Variants in ARHGEF28 observed in about 807,000 individuals in gnomAD.
ARHGEF28 encodes 190 kDa guanine nucleotide exchange factor.
ARHGEF28 carries 152 observed loss-of-function variants against 206.6 expected under a neutral mutation model. The ratio of observed to expected loss-of-function variants is 0.74; its 90% CI spans 0.64 to 0.84. ARHGEF28 has a LOEUF of 0.84. Among genes scored for constraint, ARHGEF28 ranks in the 40% least tolerant of loss-of-function variants. ARHGEF28 has a pLI of 0.00. For missense variants in ARHGEF28, 2,028 were observed against 2,073.2 expected (o/e 0.98, Z 0.42); for synonymous variants, 763 against 776.4 (o/e 0.98, Z 0.29).
At chr5:73,674,453 G>T (rs1452618133) in intron 1 of ARHGEF28, among the ~76,000 whole-genome samples, 2 of 152,206 alleles carry the variant, frequency 1.3e-5, no homozygotes, top group Non-Finnish European at 2.9e-5. Flanking sequence ...CATATGTAAA[G>T]TGAGGACAGG....
At chr5:73,883,702 T>C (rs2112667939) in intron 23 of ARHGEF28, 65 bp from the exon 24 acceptor site, 3 of 1,025,792 alleles carry the variant, frequency 2.9e-6, no homozygotes, top group Non-Finnish European at 4.2e-6. Flanking sequence ...TTTGTATTGT[T>C]ACATTCACAC....
chr5:73,848,532 T>A (rs913673895), intron 12 of ARHGEF28, among the ~76,000 whole-genome samples: 4 of 152,180 alleles, frequency 2.6e-5, no homozygotes, highest in Admixed American at 2.6e-4. Flanking sequence ...AAATCTCTTA[T>A]AATTGTAAGT....
chr5:73,667,115 G>T (rs959603592), intron 1 of ARHGEF28, among the ~76,000 whole-genome samples: 3 of 152,202 alleles, frequency 2.0e-5, no homozygotes, highest in African/African-American at 7.2e-5. Flanking sequence ...TGAAAGAGCT[G>T]TAAAGCCTTG....
intron 2 of ARHGEF28, among the ~76,000 whole-genome samples, chr5:73,688,525 T>G (rs1402962671): frequency 6.6e-6 from 1 of 152,224 alleles, no homozygotes; most frequent in African/African-American, 2.4e-5. Context: ...TTTGCTTGGA[T>G]TGATAAAGAA....
At chr5:73,788,679 A>G (rs961349209) in intron 7 of ARHGEF28, among the ~76,000 whole-genome samples, 1 of 152,218 alleles carries the variant, frequency 6.6e-6, no homozygotes, top group Non-Finnish European at 1.5e-5. Flanking sequence ...CAGGAGGATT[A>G]GGAAAGGGTG....
chr5:73,835,424 T>C (rs111753549), intron 10 of ARHGEF28, among the ~76,000 whole-genome samples: 16,420 of 149,994 alleles, frequency 0.11, 1,236 homozygotes, highest in African/African-American at 0.21. Context: ...GAGCCGAGAT[T>C]GTGCCACTGC....
At chr5:73,858,297 T>C in intron 16 of ARHGEF28, 78 bp downstream of exon 16, 1 of 1,484,140 alleles carries the variant, frequency 6.7e-7, no homozygotes. Context: ...CATTGCTCAA[T>C]ACATTTACAT....
chr5:73,926,791 G>C (rs1019052095), intron 35 of ARHGEF28, among the ~76,000 whole-genome samples: 3 of 152,200 alleles, frequency 2.0e-5, no homozygotes, highest in African/African-American at 7.2e-5. Flanking sequence ...TAGCCACTTA[G>C]CAGGATATTC....
intron 22 of ARHGEF28, among the ~76,000 whole-genome samples, chr5:73,881,098 T>TA (rs1256991615): frequency 6.6e-6 from 1 of 152,100 alleles, no homozygotes; most frequent in African/African-American, 2.4e-5. Context: ...GAAAAGGCTA[T>TA]TTTTCCTCTA....
intron 2 of ARHGEF28, among the ~76,000 whole-genome samples, chr5:73,726,317 T>C (rs891339751): frequency 6.6e-6 from 1 of 152,212 alleles, no homozygotes; most frequent in Middle Eastern, 3.2e-3. Flanking sequence ...CAAACAAAAT[T>C]CAAGTTACAT....
intron 2 of ARHGEF28, among the ~76,000 whole-genome samples, chr5:73,734,612 A>G (rs1327042786): frequency 6.6e-6 from 1 of 152,104 alleles, no homozygotes; most frequent in Non-Finnish European, 1.5e-5. Flanking sequence ...TGCTTGTACC[A>G]CTTTATATCC....
intron 9 of ARHGEF28, among the ~76,000 whole-genome samples, chr5:73,801,396 G>A (rs556762025): frequency 1.1e-3 from 160 of 151,978 alleles, no homozygotes; most frequent in African/African-American, 3.4e-3. Flanking sequence ...GCAGTGAGCC[G>A]AGATCGCACC....
chr5:73,654,473 T>A (rs1190945665), intron 1 of ARHGEF28, among the ~76,000 whole-genome samples: 1 of 152,158 alleles, frequency 6.6e-6, no homozygotes, highest in East Asian at 1.9e-4. Context: ...AAGCTGAATC[T>A]TTAGTCGTGG....
intron 1 of ARHGEF28, among the ~76,000 whole-genome samples, chr5:73,651,543 A>T (rs991212534): frequency 2.6e-5 from 4 of 152,218 alleles, no homozygotes; most frequent in African/African-American, 9.7e-5. Context: ...TGAAGTGCTA[A>T]CATATAGGGC....
chr5:73,817,981 C>A (rs114004627), intron 9 of ARHGEF28, among the ~76,000 whole-genome samples: 1 of 152,108 alleles, frequency 6.6e-6, no homozygotes, highest in African/African-American at 2.4e-5. Flanking sequence ...TGATACCTTC[C>A]TCCTATACAC....
At chr5:73,883,045 A>G (rs1229967255) in intron 23 of ARHGEF28, among the ~76,000 whole-genome samples, 1 of 152,218 alleles carries the variant, frequency 6.6e-6, no homozygotes, top group African/African-American at 2.4e-5. Flanking sequence ...TTGATATCTT[A>G]AAATTTCACT....
At position 73,909,413 on chromosome 5, in the gene ARHGEF28, C is replaced by A; in HGVS notation, c.4163C>A (p.Ala1388Asp). The change falls in exon 34 of 36, where the codon GCC becomes GAC. Residue 1388 changes from alanine to aspartate, a missense_variant and splice_region_variant. Transcript: ENST00000513042. The part of the protein sequence containing the change: ...NLTRLLYSLQ[A>D]ALTIQDSHIE... ...TTTTTCCTCTGTCTGCTCTGACAGG[C>A]CGCCTTGACCATTCAGGACAGCCAC... The A allele has an allele frequency of 6.3e-7, 1 of 1,592,894 alleles. No homozygotes were observed. Among genetic ancestry groups the A allele is most frequent in the Non-Finnish European group, 8.6e-7 (1 of 1,165,352 alleles).
chr5:73,867,146 G>A (rs1759756960), intron 18 of ARHGEF28, among the ~76,000 whole-genome samples: 1 of 152,100 alleles, frequency 6.6e-6, no homozygotes, highest in African/African-American at 2.4e-5. Flanking sequence ...CTTCACATGG[G>A]AGTCATAAGA....
chr5:73,804,998 A>G (rs1045518613), intron 9 of ARHGEF28, among the ~76,000 whole-genome samples: 3 of 152,204 alleles, frequency 2.0e-5, no homozygotes, highest in African/African-American at 4.8e-5. Flanking sequence ...ATTCTTCTAC[A>G]TGGGAAATTT....
Sources: allele counts gnomAD v4.1 joint callset (sites outside exome capture counted in the v4.1 genomes callset), GRCh38; gene constraint gnomAD v4.1.1; transcripts MANE v1.5; gene names NCBI Gene and HGNC (gene_info 2026-07-23, HGNC 2026-07-21).